Variants in MAGI2 observed in about 807,000 individuals in gnomAD.
MAGI2 encodes the protein membrane associated guanylate kinase, WW and PDZ domain containing 2.
In MAGI2, 35 loss-of-function variants were observed where a neutral mutation model predicts 133.3. The observed-to-expected ratio is 0.26, with a 90% CI of 0.20 to 0.35. MAGI2 has a LOEUF of 0.35. Ranked by LOEUF, MAGI2 falls within the 10% of genes least tolerant of loss-of-function variation. The pLI is 1.00. For missense variants in MAGI2, 1,636 were observed against 1,863.4 expected, an observed-to-expected ratio of 0.88 and a Z score of 2.25; for synonymous variants, 729 against 710.6, an observed-to-expected ratio of 1.03 and a Z score of -0.41.
chr7:79,230,241 G>A lies in MAGI2; in HGVS notation c.301+222779C>T, dbSNP rs971160002. Among the ~76,000 whole-genome samples, 9 of 149,674 alleles carry A rather than the reference G, an allele frequency of 6.0e-5. No homozygotes were observed. The South Asian group carries it at 6.4e-4, about 11-fold the overall frequency. ...AGTCTTTGCTATTGTGAATAATGCT[G>A]CAATAAACATACGTGTGCATGTGTC... is the stretch of plus-strand genomic sequence containing the variant. On this transcript the variant is annotated intron_variant, in intron 1 of 21. Coordinates refer to ENST00000354212, the MANE Select transcript of MAGI2 (RefSeq NM_012301.4).
intron 1 of MAGI2, chr7:79,008,619 G>A (rs1347687538): frequency 4.6e-5 from 7 of 151,972 alleles, no homozygotes; most frequent in African/African-American, 1.7e-4. Flanking sequence ...AACATTTTTT[G>A]TTGGGTGTAC....
chr7:78,289,669 T>C (rs1433647627), intron 9 of MAGI2, among the ~76,000 whole-genome samples: 3 of 151,864 alleles, frequency 2.0e-5, no homozygotes, highest in Non-Finnish European at 4.4e-5. Context: ...TTCACCAAGG[T>C]TGAAATGAAG....
At chr7:78,038,215 T>C (rs1263912216) in intron 21 of MAGI2, among the ~76,000 whole-genome samples, 1 of 152,210 alleles carries the variant, frequency 6.6e-6, no homozygotes, top group Non-Finnish European at 1.5e-5. Context: ...GCTGGGCACA[T>C]GTTAAGTGTT....
intron 1 of MAGI2, among the ~76,000 whole-genome samples, chr7:79,396,379 G>T (rs1306536883): frequency 6.6e-6 from 1 of 152,176 alleles, no homozygotes; most frequent in Non-Finnish European, 1.5e-5. Flanking sequence ...GGGAAGAACT[G>T]CCCACTGACC....
chr7:78,814,359 A>G (rs1216860578), intron 2 of MAGI2, among the ~76,000 whole-genome samples: 1 of 152,170 alleles, frequency 6.6e-6, no homozygotes, highest in African/African-American at 2.4e-5. Flanking sequence ...TATAATCTGT[A>G]TGTTCACTGA....
At chr7:79,120,713 A>G (rs2129544596) in intron 1 of MAGI2, among the ~76,000 whole-genome samples, 2 of 152,166 alleles carry the variant, frequency 1.3e-5, no homozygotes, top group Middle Eastern at 3.4e-3. Context: ...TGTTACTTGA[A>G]TGACTCATTT....
intron 2 of MAGI2, among the ~76,000 whole-genome samples, chr7:78,663,807 T>C (rs1340808971): frequency 3.8e-4 from 58 of 152,190 alleles, no homozygotes; most frequent in Admixed American, 3.7e-3. Context: ...TAAATGTGGA[T>C]TAACCACACA....
At chr7:78,763,100 G>T (rs539373017) in intron 2 of MAGI2, among the ~76,000 whole-genome samples, 2 of 152,304 alleles carry the variant, frequency 1.3e-5, no homozygotes, top group South Asian at 4.1e-4. Flanking sequence ...GGTTAAATGT[G>T]TTCTTTCAGG....
chr7:78,158,822 C>T (rs1824659096), intron 16 of MAGI2, among the ~76,000 whole-genome samples: 1 of 152,258 alleles, frequency 6.6e-6, no homozygotes, highest in Non-Finnish European at 1.5e-5. Context: ...GCCTCTGGCT[C>T]CTAGAGTCTG....
chr7:78,592,301 A>AT (rs1176564499), intron 3 of MAGI2, among the ~76,000 whole-genome samples: 2 of 150,884 alleles, frequency 1.3e-5, no homozygotes, highest in South Asian at 2.1e-4. Context: ...GTCAGCAAAC[A>AT]TTTTTTTCTG....
intron 1 of MAGI2, among the ~76,000 whole-genome samples, chr7:79,214,383 C>G (rs937542910): frequency 1.1e-5 from 1 of 88,612 alleles, no homozygotes; most frequent in Non-Finnish European, 2.1e-5. Flanking sequence ...CTCTCTCTCT[C>G]TCTCTCTCTC....
intron 1 of MAGI2, among the ~76,000 whole-genome samples, chr7:79,335,424 C>A (rs1003051967): frequency 1.3e-5 from 2 of 151,742 alleles, no homozygotes; most frequent in African/African-American, 4.8e-5. Context: ...ATAGAAAGAT[C>A]CTTGGAAAAT....
chr7:78,051,738 C>T lies in MAGI2; in HGVS notation c.3706+27209G>A, dbSNP rs188290652. On this transcript the variant is annotated intron_variant, in intron 21 of 21. Coordinates refer to ENST00000354212, the MANE Select transcript of MAGI2 (RefSeq NM_012301.4). ...TAGCTGGGACTATAGGCATGCACCA[C>T]CATGCCCGGCTAATTTTTGTATTTT... 9.2e-5 allele frequency among the ~76,000 whole-genome samples: 14 copies of T among 152,184 alleles called. 1 individual carries two copies. Among genetic ancestry groups the T allele is most frequent in the African/African-American group, 2.4e-4 (10 of 41,512 alleles).
intron 1 of MAGI2, among the ~76,000 whole-genome samples, chr7:79,015,504 T>C (rs1378024782): frequency 1.3e-5 from 2 of 152,132 alleles, no homozygotes; most frequent in African/African-American, 2.4e-5. Context: ...CATTTTACAA[T>C]GGAAACACAA....
At chr7:78,097,973 A>T (rs1240171889) in intron 20 of MAGI2, among the ~76,000 whole-genome samples, 3 of 151,946 alleles carry the variant, frequency 2.0e-5, no homozygotes, top group Non-Finnish European at 4.4e-5. Context: ...AGATTCATAA[A>T]TCTATGATGA....
intron 3 of MAGI2, among the ~76,000 whole-genome samples, chr7:78,558,365 G>C (rs886742179): frequency 6.6e-6 from 1 of 152,128 alleles, no homozygotes; most frequent in African/African-American, 2.4e-5. Flanking sequence ...AGGAAAGTAA[G>C]AGTTTTTATT....
At chr7:79,399,079 C>CTTTTTTTTTTTT (rs1197197628) in intron 1 of MAGI2, among the ~76,000 whole-genome samples, 1 of 114,612 alleles carries the variant, frequency 8.7e-6, no homozygotes, top group African/African-American at 3.7e-5. Context: ...AGTATTATTT[C>CTTTTTTTTTTTT]TTTTTTTTTT....
At chr7:78,556,912 C>A (rs899246677) in intron 3 of MAGI2, among the ~76,000 whole-genome samples, 2 of 130,680 alleles carry the variant, frequency 1.5e-5, no homozygotes, top group African/African-American at 3.0e-5. Flanking sequence ...CATGGTGAAA[C>A]CCCGTCTCTA....
intron 1 of MAGI2, among the ~76,000 whole-genome samples, chr7:79,386,949 C>T (rs1189227986): frequency 2.0e-5 from 3 of 151,718 alleles, no homozygotes; most frequent in Admixed American, 6.6e-5. Flanking sequence ...TTTGTGGGCC[C>T]CTCGATCTTT....
Sources: allele counts gnomAD v4.1 joint callset (sites outside exome capture counted in the v4.1 genomes callset), GRCh38; gene constraint gnomAD v4.1.1; transcripts MANE v1.5; gene names NCBI Gene and HGNC (gene_info 2026-07-23, HGNC 2026-07-21).